The following POT1 variants were observed in gnomAD, a reference collection of about 807,000 sequenced individuals.
The protein encoded by POT1 is protection of telomeres 1, also known as protection of telomeres protein 1.
A neutral mutation model predicts 78.5 loss-of-function variants in POT1; 47 were observed. The observed-to-expected ratio is 0.60, with a 90% CI of 0.47 to 0.76. The LOEUF is 0.76. Ranked by LOEUF, POT1 falls within the 30% of genes least tolerant of loss-of-function variation. The pLI is 0.00. For missense variants in POT1, 646 were observed against 749.9 expected (o/e 0.86, Z 1.62); for synonymous variants, 259 against 260.7 (o/e 0.99, Z 0.06).
At chr7:124,887,203 T>C (rs1796267352) in intron 6 of POT1, among the ~76,000 whole-genome samples, 1 of 152,082 alleles carries the variant, frequency 6.6e-6, no homozygotes, top group Non-Finnish European at 1.5e-5. Context: ...ATGAAGACTC[T>C]GGGAATAAGC....
chr7:124,883,649 C>T (rs2116605770), intron 6 of POT1, among the ~76,000 whole-genome samples: 1 of 152,014 alleles, frequency 6.6e-6, no homozygotes, highest in East Asian at 1.9e-4. Flanking sequence ...GAGTTAACAA[C>T]ATGGAGTTCA....
At chr7:124,839,063 T>C (rs1419072565) in intron 14 of POT1, among the ~76,000 whole-genome samples, 3 of 152,188 alleles carry the variant, frequency 2.0e-5, no homozygotes, top group South Asian at 2.1e-4. Flanking sequence ...AGAATTACTA[T>C]ATAGCTTTAG....
At chr7:124,909,612 A>G (rs1380128615) in intron 3 of POT1, among the ~76,000 whole-genome samples, 1 of 151,874 alleles carries the variant, frequency 6.6e-6, no homozygotes, top group Non-Finnish European at 1.5e-5. Context: ...ATATTTTAAA[A>G]GCAAGAAACC....
At chr7:124,912,689 T>A (rs530904871) in intron 3 of POT1, among the ~76,000 whole-genome samples, 1 of 152,300 alleles carries the variant, frequency 6.6e-6, no homozygotes, top group East Asian at 1.9e-4. Flanking sequence ...GTATTCAATA[T>A]ATTGTTTAAT....
At chr7:124,878,202 C>T (rs867758249) in intron 6 of POT1, among the ~76,000 whole-genome samples, 24 of 152,006 alleles carry the variant, frequency 1.6e-4, no homozygotes, top group South Asian at 6.2e-4. Context: ...TGTGGTGGTG[C>T]GTGCCTGTAA....
rs79314063 is a variant in POT1 at position 124,841,114 on chromosome 7, C to G, written c.1228G>C (p.Asp410His). 400 of 1,612,876 alleles carry G rather than the reference C, an allele frequency of 2.5e-4. 4 individuals carry two copies. The East Asian group carries it at 7.5e-3, about 30-fold the overall frequency. ...AATGATGTATTTTGTAGCTTGACAT[C>G]TGGGGTTTTAGTTGCACCATCCTGA... ...IFQDGATKTPDVKLQNTSLYD... is the reference protein window; with the variant it reads ...IFQDGATKTPHVKLQNTSLYD... The change falls in exon 14 of 19, where the codon GAT becomes CAT. Residue 410 changes from aspartate to histidine, a missense_variant. This residue lies in a region of POT1 where 394 missense variants were observed against 408.4 expected (regional missense o/e 0.96). Transcript: ENST00000357628.
chr7:124,871,160 A>C, intron 6 of POT1, 119 bp from the exon 7 acceptor site: 3 of 841,994 alleles, frequency 3.6e-6, no homozygotes, highest in Non-Finnish European at 5.0e-6. Context: ...GTCTTCTAAG[A>C]GGATTAAAAC....
chr7:124,851,728 C>A, intron 11 of POT1, 144 bp downstream of exon 11: 1 of 658,296 alleles, frequency 1.5e-6, no homozygotes, highest in Non-Finnish European at 2.6e-6. Context: ...TTGGCATAGG[C>A]CACAGATAAA....
chr7:124,884,513 A>G (rs1796197114), intron 6 of POT1, among the ~76,000 whole-genome samples: 1 of 152,170 alleles, frequency 6.6e-6, no homozygotes, highest in African/African-American at 2.4e-5. Context: ...AAGAGAAACA[A>G]GTAATTTTGG....
chr7:124,858,958 T>G lies in POT1; in HGVS notation c.701A>C (p.Lys234Thr), dbSNP rs1482095774. Residue 234 changes from lysine to threonine, a missense_variant and splice_region_variant, in exon 9 of 19, where the codon AAG (lysine) becomes ACG (threonine). Around this residue, in one of 2 missense-constraint regions of POT1, gnomAD observed 252 missense variants for 341.4 expected, o/e 0.74. Transcript: ENST00000357628. ...ACATTTTTTCCTACTATACATCACC[T>G]TCAGAGATCTTGCCACATGAACATG... ...DNHVHVARSLKVGSFLRIYSL... is the reference protein window; with the variant it reads ...DNHVHVARSLTVGSFLRIYSL... The G allele has an allele frequency of 6.3e-7, 1 of 1,599,816 alleles. No homozygotes were observed. The highest frequency in any genetic ancestry group is 8.5e-7 in the Non-Finnish European group (1 of 1,171,410).
chr7:124,891,546 T>C (rs1796372843), intron 6 of POT1, among the ~76,000 whole-genome samples: 1 of 151,638 alleles, frequency 6.6e-6, no homozygotes, highest in South Asian at 2.1e-4. Context: ...GTCTTACGAT[T>C]GCCATTTAAT....
chr7:124,902,455 C>T (rs1484567247), intron 3 of POT1, among the ~76,000 whole-genome samples: 1 of 152,130 alleles, frequency 6.6e-6, no homozygotes, highest in African/African-American at 2.4e-5. Flanking sequence ...AAATAAAATC[C>T]TTTACAGACA....
intron 6 of POT1, among the ~76,000 whole-genome samples, chr7:124,881,846 C>T (rs922009074): frequency 1.3e-5 from 2 of 151,924 alleles, no homozygotes; most frequent in Admixed American, 6.6e-5. Context: ...AATCAGCATT[C>T]GTACTTTAAA....
rs539380288 is a variant in POT1, at chr7:124,888,617, T to C, written c.124+3649A>G. Among the ~76,000 whole-genome samples the C allele has an allele frequency of 1.8e-3, 273 of 152,202 alleles. 2 individuals are homozygous for C. The highest frequency in any genetic ancestry group is 3.4e-3 in the Middle Eastern group (1 of 294). On this transcript the variant is annotated intron_variant, in intron 6 of 18. Coordinates refer to ENST00000357628, the MANE Select transcript of POT1 (RefSeq NM_015450.3). ...TTTACTTTGTTGTACTTTGTAATAC[T>C]GCAATTTTATAAATTAAAGGTTGTG...
chr7:124,905,138 T>C lies in POT1; in HGVS notation c.-153-6764A>G, dbSNP rs62480275. On this transcript the variant is annotated intron_variant, in intron 3 of 18. Transcript: ENST00000357628. ...ATGACTTTCTTCACAGAATTGGAAG[T>C]TCATATGGAACCAAAAAAGAGCCCT... Among the ~76,000 whole-genome samples the C allele has an allele frequency of 1.9e-3, 284 of 150,212 alleles. 1 individual carries two copies. The highest frequency in any genetic ancestry group is 3.2e-3 in the Non-Finnish European group (211 of 66,690).
Position 124,840,976 on chromosome 7 carries a change from C to G in POT1, c.1366G>C (p.Glu456Gln). The G allele has an allele frequency of 6.3e-7, 1 of 1,591,094 alleles. No homozygotes were observed. Among genetic ancestry groups the G allele is most frequent in the South Asian group, 1.1e-5 (1 of 90,354 alleles). Reference sequence around the variant, plus strand: ...AACAGTGACTTAAATATCTTACCTTCTATCAAAAGTAGACATTCATTTGAA... The same window carrying G: ...AACAGTGACTTAAATATCTTACCTTGTATCAAAAGTAGACATTCATTTGAA... ...PLSNECLLLIEGGTLSEICKL... is the reference protein window; with the variant it reads ...PLSNECLLLIQGGTLSEICKL... Residue 456 changes from glutamate (E) to glutamine (Q), a missense_variant, in exon 14 of 19, where the codon GAA becomes CAA. Physicochemically the swap from Glu to Gln is conservative, Grantham distance 29. Transcript: ENST00000357628.
intron 11 of POT1, 34 bp from the exon 12 acceptor site, chr7:124,847,032 AT>A (rs1795187447): frequency 7.0e-7 from 1 of 1,431,850 alleles, no homozygotes; most frequent in Non-Finnish European, 9.8e-7. Flanking sequence ...AATTAAGTCC[AT>A]TACAACTTCA....
rs36025106 is a variant in POT1 at position 124,832,821 on chromosome 7, C to CA, written c.1505+2457dup. Among the ~76,000 whole-genome samples, 488 of 114,104 alleles carry CA rather than the reference C, an allele frequency of 4.3e-3. 2 individuals are homozygous for CA. The highest frequency in any genetic ancestry group is 0.016 in the Middle Eastern group (3 of 192). The allele number at this position is 114,104 out of a possible 152,430, so 74.9% of individuals were successfully genotyped here. On this transcript the variant is annotated intron_variant, in intron 15 of 18. Transcript: ENST00000357628. ...TGGGCAATAGAGCAAGACTTCATCT[C>CA]AAAAAAAAAAAAAAAAATGGGGTCC...
chr7:124,892,129 A>C, intron 6 of POT1, 137 bp downstream of exon 6: 1 of 535,546 alleles, frequency 1.9e-6, no homozygotes, highest in Non-Finnish European at 3.3e-6. Context: ...CTAGCCAAAG[A>C]ATATGCATCA....
Sources: gnomAD v4.1 joint callset for allele counts (sites outside exome capture counted in the v4.1 genomes callset) on GRCh38, gnomAD v4.1.1 for gene constraint, gnomAD v4.1.1 regional missense constraint, MANE v1.5 for transcripts, NCBI Gene and HGNC (gene_info 2026-07-23, HGNC 2026-07-21) for gene names.